SH3KBP1: variants seen among roughly 807,000 people sequenced by gnomAD.
The protein encoded by SH3KBP1 is SH3 domain-containing kinase-binding protein 1.
A neutral mutation model predicts 50.1 loss-of-function variants in SH3KBP1; 8 were observed. The observed-to-expected ratio is 0.16, with a 90% CI of 0.09 to 0.29. SH3KBP1 has a LOEUF of 0.29. Among genes scored for constraint, SH3KBP1 ranks in the 10% least tolerant of loss-of-function variants. The probability of loss-of-function intolerance (pLI) is 1.00; values close to 1 mark genes in which losing one functional copy is unlikely to be tolerated. For missense variants in SH3KBP1, 377 were observed against 535.2 expected (o/e 0.70, Z 2.92); for synonymous variants, 227 against 218.6 (o/e 1.04, Z -0.34).
intron 15 of SH3KBP1, among the ~76,000 whole-genome samples, chrX:19,543,842 G>A (rs1366872005): frequency 4.5e-5 from 5 of 111,499 alleles, no homozygotes; most frequent in Non-Finnish European, 5.7e-5. Flanking sequence ...GGGCGAGAGA[G>A]AAGAGGGGTG....
intron 6 of SH3KBP1, among the ~76,000 whole-genome samples, chrX:19,674,436 G>A (rs2062877686): frequency 8.9e-6 from 1 of 112,024 alleles, no homozygotes; most frequent in Non-Finnish European, 1.9e-5. Flanking sequence ...TCACACTGCT[G>A]ATCCATAAAA....
At chrX:19,856,548 C>T (rs1163707757) in intron 1 of SH3KBP1, among the ~76,000 whole-genome samples, 1 of 111,810 alleles carries the variant, frequency 8.9e-6, no homozygotes, top group Non-Finnish European at 1.9e-5. Context: ...GCAGGCGGCA[C>T]AGGCTATGCT....
intron 12 of SH3KBP1, among the ~76,000 whole-genome samples, chrX:19,586,831 G>A (rs949362846): frequency 8.9e-6 from 1 of 111,990 alleles, no homozygotes; most frequent in African/African-American, 3.3e-5. Flanking sequence ...TGGGAGTTGT[G>A]TTTTTGTTGT....
chrX:19,538,586 T>TATTA (rs200437213), intron 16 of SH3KBP1, among the ~76,000 whole-genome samples: 4 of 100,599 alleles, frequency 4.0e-5, no homozygotes, highest in African/African-American at 1.1e-4. Context: ...TTTATTTATT[T>TATTA]TTATTATTAT....
chrX:19,640,011 A>G (rs777391634), intron 7 of SH3KBP1, among the ~76,000 whole-genome samples: 1 of 107,564 alleles, frequency 9.3e-6, no homozygotes, highest in African/African-American at 3.4e-5. Flanking sequence ...AGGCTGGGGC[A>G]ACAGACACAG....
chrX:19,826,123 A>G (rs752333637), intron 2 of SH3KBP1, among the ~76,000 whole-genome samples: 4 of 112,595 alleles, frequency 3.6e-5, no homozygotes, highest in Non-Finnish European at 7.5e-5. Flanking sequence ...GGATGAATTC[A>G]GCCAGAAACT....
chrX:19,840,994 G>A (rs1444414970), intron 1 of SH3KBP1, among the ~76,000 whole-genome samples: 1 of 111,930 alleles, frequency 8.9e-6, no homozygotes, highest in African/African-American at 3.3e-5. Flanking sequence ...GGGGAGATAA[G>A]AGATCTGCTT....
At chrX:19,596,425 CT>C (rs2066907245) in intron 9 of SH3KBP1, among the ~76,000 whole-genome samples, 1 of 111,885 alleles carries the variant, frequency 8.9e-6, no homozygotes, top group African/African-American at 3.2e-5. Context: ...AAACTTTTTG[CT>C]GGGGGAGGGT....
chrX:19,657,854 T>A (rs1362096296), intron 6 of SH3KBP1, among the ~76,000 whole-genome samples: 1 of 105,475 alleles, frequency 9.5e-6, no homozygotes, highest in Non-Finnish European at 1.9e-5. Flanking sequence ...CACTTTTATA[T>A]AAGGTACCTA....
At chrX:19,794,652 G>T (rs867530070) in intron 2 of SH3KBP1, among the ~76,000 whole-genome samples, 5 of 111,141 alleles carry the variant, frequency 4.5e-5, no homozygotes, top group African/African-American at 1.6e-4. Flanking sequence ...GCAGTGAGCC[G>T]AGATAGCGCC....
At chrX:19,754,386 T>G (rs1373482485) in intron 2 of SH3KBP1, among the ~76,000 whole-genome samples, 2 of 112,388 alleles carry the variant, frequency 1.8e-5, no homozygotes, top group African/African-American at 6.5e-5. Flanking sequence ...TACCACTGGA[T>G]CAAAGGGTGT....
chrX:19,553,991 A>T (rs1428525370), intron 13 of SH3KBP1, among the ~76,000 whole-genome samples: 18 of 63,770 alleles, frequency 2.8e-4, no homozygotes, highest in South Asian at 6.3e-4. Flanking sequence ...ATAATATATA[A>T]TATATATTAA....
chrX:19,688,799 G>A (rs2063223062), intron 5 of SH3KBP1, among the ~76,000 whole-genome samples: 1 of 112,086 alleles, frequency 8.9e-6, no homozygotes, highest in Non-Finnish European at 1.9e-5. Flanking sequence ...CTGGAGGCCA[G>A]TCATACAGCT....
At chrX:19,752,321 C>T (rs1371008881) in intron 2 of SH3KBP1, among the ~76,000 whole-genome samples, 1 of 112,127 alleles carries the variant, frequency 8.9e-6, no homozygotes, top group African/African-American at 3.2e-5. Flanking sequence ...AACAAACACA[C>T]CATCCGAGAG....
intron 2 of SH3KBP1, among the ~76,000 whole-genome samples, chrX:19,754,262 C>T (rs745524232): frequency 1.2e-4 from 13 of 111,795 alleles, no homozygotes; most frequent in Non-Finnish European, 2.1e-4. Flanking sequence ...AAAATGAGAA[C>T]GACTACCTTT....
intron 8 of SH3KBP1, among the ~76,000 whole-genome samples, chrX:19,628,130 CATG>C (rs2061497387): frequency 8.9e-6 from 1 of 112,253 alleles, no homozygotes; most frequent in Non-Finnish European, 1.9e-5. Flanking sequence ...ATATTTATGG[CATG>C]TTTTCTTTCC....
chrX:19,678,708 G>T (rs972967981), intron 6 of SH3KBP1, among the ~76,000 whole-genome samples: 2 of 111,204 alleles, frequency 1.8e-5, no homozygotes, highest in South Asian at 7.7e-4. Context: ...GATTTGGAGT[G>T]GGGGGCTATT....
At position 19,542,109 on chromosome X, in the gene SH3KBP1, C is replaced by T. The variant is rs1168722102; in HGVS notation, c.1708G>A (p.Ala570Thr). ...AAAGAGGATGACAGGGGGGAGGGCG[C>T]CGCTGAGGACAGAGGGGCTGGCCCA... ...GGGPAPLSSAAPSPLSSSLGT... is the reference protein window; with the variant it reads ...GGGPAPLSSATPSPLSSSLGT... The change falls in exon 16 of 18, where the codon GCG becomes ACG. Residue 570 changes from alanine (A) to threonine (T), a missense_variant. By Grantham distance (58) the Ala-to-Thr change is moderately conservative (BLOSUM62 0). Around this residue, in one of 3 missense-constraint regions of SH3KBP1, gnomAD observed 110 missense variants for 124.1 expected, o/e 0.89. Transcript: ENST00000397821. 7 of 1,208,340 alleles carry T rather than the reference C, an allele frequency of 5.8e-6. No homozygotes were observed. Among genetic ancestry groups the T allele is most frequent in the Non-Finnish European group, 7.8e-6 (7 of 894,214 alleles).
chrX:19,659,412 G>C, intron 6 of SH3KBP1, among the ~76,000 whole-genome samples: 1 of 106,290 alleles, frequency 9.4e-6, no homozygotes, highest in African/African-American at 3.5e-5. Flanking sequence ...ACTGTGCCCG[G>C]CCACATGCCC....
Sources: gnomAD v4.1 joint callset for allele counts (sites outside exome capture counted in the v4.1 genomes callset) on GRCh38, gnomAD v4.1.1 for gene constraint, gnomAD v4.1.1 regional missense constraint, MANE v1.5 for transcripts, NCBI Gene and HGNC (gene_info 2026-07-23, HGNC 2026-07-21) for gene names.